Variants in SPOCK3 observed in about 807,000 individuals in gnomAD.
SPOCK3 encodes testican-3.
In SPOCK3, 30 loss-of-function variants were observed where a neutral mutation model predicts 56.6. That is an observed-to-expected ratio of 0.53 (90% confidence interval 0.40 to 0.72). The LOEUF is 0.72. SPOCK3 is among the 30% of genes least tolerant of loss of function. The pLI is 0.00. For missense variants in SPOCK3, 527 were observed against 530.0 expected, an observed-to-expected ratio of 0.99 and a Z score of 0.06; for synonymous variants, 196 against 183.3, an observed-to-expected ratio of 1.07 and a Z score of -0.56.
chr4:167,105,856 T>C (rs1454543990), intron 2 of SPOCK3, among the ~76,000 whole-genome samples: 1 of 151,748 alleles, frequency 6.6e-6, no homozygotes, highest in African/African-American at 2.4e-5. Flanking sequence ...TAAGACAAAA[T>C]AGATTGTATG....
rs113917355 is a variant in SPOCK3 at position 167,105,076 on chromosome 4, A to G, written c.190-42539T>C. 7.0e-3 allele frequency among the ~76,000 whole-genome samples: 1,071 copies of G among 152,220 alleles called. 14 individuals carry two copies. The highest frequency in any genetic ancestry group is 0.025 in the African/African-American group (1,026 of 41,556). On this transcript the variant is annotated intron_variant, in intron 2 of 10. Transcript: ENST00000357545. Reference sequence around the variant, plus strand: ...AGACAAACAAAAGCTGAGGGATTTCATCAACCAGATCTATCCTACAAGAAA... The same window carrying G: ...AGACAAACAAAAGCTGAGGGATTTCGTCAACCAGATCTATCCTACAAGAAA...
chr4:167,209,813 T>C (rs1734693082), intron 2 of SPOCK3, among the ~76,000 whole-genome samples: 1 of 152,194 alleles, frequency 6.6e-6, no homozygotes, highest in African/African-American at 2.4e-5. Context: ...TAGTGAATTT[T>C]GTATTTATAG....
intron 2 of SPOCK3, among the ~76,000 whole-genome samples, chr4:167,140,793 AT>A (rs980662681): frequency 1.2e-4 from 18 of 151,814 alleles, no homozygotes; most frequent in African/African-American, 4.1e-4. Flanking sequence ...GGGCTTATTT[AT>A]TTTCCCTGAA....
intron 4 of SPOCK3, among the ~76,000 whole-genome samples, chr4:166,938,250 G>A (rs930919096): frequency 1.3e-5 from 2 of 152,172 alleles, no homozygotes; most frequent in African/African-American, 4.8e-5. Flanking sequence ...GTGGAAGGCA[G>A]AGAAAAACTA....
chr4:166,952,918 T>C (rs1311292801), intron 4 of SPOCK3, among the ~76,000 whole-genome samples: 2 of 150,968 alleles, frequency 1.3e-5, no homozygotes, highest in Admixed American at 6.6e-5. Context: ...CCTTACACCT[T>C]ATACAAAAAT....
At chr4:167,059,955 G>A (rs1470828327) in intron 3 of SPOCK3, among the ~76,000 whole-genome samples, 2 of 149,312 alleles carry the variant, frequency 1.3e-5, no homozygotes, top group Admixed American at 6.7e-5. Context: ...TGAACAATGC[G>A]AACACATGGA....
chr4:167,151,617 A>G (rs952899353), intron 2 of SPOCK3, among the ~76,000 whole-genome samples: 3 of 151,844 alleles, frequency 2.0e-5, no homozygotes, highest in East Asian at 2.0e-4. Context: ...TTGTATTTTT[A>G]GTAGAGACGG....
intron 4 of SPOCK3, among the ~76,000 whole-genome samples, chr4:166,960,224 G>T (rs576756898): frequency 6.6e-6 from 1 of 152,118 alleles, no homozygotes; most frequent in Non-Finnish European, 1.5e-5. Flanking sequence ...TCAAAGCAAG[G>T]CTTTGTGCAG....
At chr4:166,866,221 T>C (rs1731822105) in intron 6 of SPOCK3, among the ~76,000 whole-genome samples, 1 of 152,106 alleles carries the variant, frequency 6.6e-6, no homozygotes, top group Non-Finnish European at 1.5e-5. Context: ...GAAAACTGGC[T>C]AGCCATATGC....
intron 4 of SPOCK3, among the ~76,000 whole-genome samples, chr4:166,961,560 A>C (rs1293632454): frequency 6.6e-6 from 1 of 152,066 alleles, no homozygotes; most frequent in Admixed American, 6.6e-5. Context: ...ATTGAAAAAA[A>C]AAAAGCTTAT....
chr4:166,764,721 G>C (rs543837646), intron 7 of SPOCK3, among the ~76,000 whole-genome samples: 1 of 152,080 alleles, frequency 6.6e-6, no homozygotes, highest in Non-Finnish European at 1.5e-5. Flanking sequence ...GGGATGGCTG[G>C]GTCAAATGGT....
At chr4:166,835,707 C>T (rs1327703230) in intron 6 of SPOCK3, among the ~76,000 whole-genome samples, 5 of 152,016 alleles carry the variant, frequency 3.3e-5, no homozygotes, top group African/African-American at 1.2e-4. Context: ...TATAAATATT[C>T]GTTCAAAAAA....
chr4:166,953,471 T>A (rs1436464612), intron 4 of SPOCK3, among the ~76,000 whole-genome samples: 8 of 151,220 alleles, frequency 5.3e-5, no homozygotes, highest in South Asian at 4.2e-4. Context: ...ATAGGAACAC[T>A]TTTACACTGT....
At chr4:167,017,630 C>T (rs905230949) in intron 3 of SPOCK3, among the ~76,000 whole-genome samples, 1 of 152,020 alleles carries the variant, frequency 6.6e-6, no homozygotes, top group African/African-American at 2.4e-5. Context: ...GACTTAACAT[C>T]CAATGCAGAT....
intron 6 of SPOCK3, among the ~76,000 whole-genome samples, chr4:166,853,101 AT>A (rs1213806663): frequency 1.3e-5 from 2 of 152,168 alleles, no homozygotes; most frequent in Non-Finnish European, 2.9e-5. Flanking sequence ...AAAATTACAA[AT>A]TCTCAAAGGA....
chr4:167,027,434 T>C lies in SPOCK3; in HGVS notation c.236-26971A>G, dbSNP rs552063535. On this transcript the variant is annotated intron_variant, in intron 3 of 10. Coordinates refer to ENST00000357545, the MANE Select transcript of SPOCK3 (RefSeq NM_001040159.2). ...GTAATGTCCCTTGTCTTGCATTTTGTTTGGGGATTTTCTTTGTACTATTTA... is the reference window on the plus strand; with the variant it reads ...GTAATGTCCCTTGTCTTGCATTTTGCTTGGGGATTTTCTTTGTACTATTTA... 5.3e-5 allele frequency among the ~76,000 whole-genome samples: 8 copies of C among 152,118 alleles called. No individual in the cohort carries two copies. The East Asian group carries it at 1.6e-3, about 30-fold the overall frequency.
chr4:167,031,973 T>G (rs1045816893), intron 3 of SPOCK3, among the ~76,000 whole-genome samples: 1 of 152,038 alleles, frequency 6.6e-6, no homozygotes, highest in Non-Finnish European at 1.5e-5. Context: ...TCCTGTTTGT[T>G]TAACTTAGCC....
intron 6 of SPOCK3, among the ~76,000 whole-genome samples, chr4:166,844,973 C>T (rs897814209): frequency 4.6e-5 from 7 of 152,132 alleles, no homozygotes; most frequent in African/African-American, 1.4e-4. Flanking sequence ...ATTTGGATTG[C>T]TGAGGCAGAA....
chr4:166,840,826 T>C (rs1489895081), intron 6 of SPOCK3, among the ~76,000 whole-genome samples: 1 of 130,434 alleles, frequency 7.7e-6, no homozygotes, highest in African/African-American at 3.0e-5. Context: ...TCGCCCAGGC[T>C]GGAGTGCAGT....
Sources: gnomAD v4.1 joint callset for allele counts (sites outside exome capture counted in the v4.1 genomes callset) on GRCh38, gnomAD v4.1.1 for gene constraint, MANE v1.5 for transcripts, NCBI Gene and HGNC (gene_info 2026-07-23, HGNC 2026-07-21) for gene names.